The following COL4A2 variants were observed in gnomAD, a reference collection of about 807,000 sequenced individuals.
COL4A2 encodes the protein collagen alpha-2(IV) chain.
COL4A2 carries 99 observed loss-of-function variants against 200.2 expected under a neutral mutation model. The observed-to-expected ratio is 0.49, with a 90% CI of 0.42 to 0.58. The LOEUF is 0.58. COL4A2 is among the 20% of genes least tolerant of loss of function. The probability of loss-of-function intolerance (pLI) is 0.00; values close to 1 mark genes in which losing one functional copy is unlikely to be tolerated. For missense variants in COL4A2, 1,950 were observed against 2,314.1 expected, an observed-to-expected ratio of 0.84 and a Z score of 3.23; for synonymous variants, 897 against 900.6, an observed-to-expected ratio of 1.00 and a Z score of 0.07.
intron 4 of COL4A2, among the ~76,000 whole-genome samples, chr13:110,389,122 C>T (rs1395833967): frequency 6.6e-6 from 1 of 152,164 alleles, no homozygotes; most frequent in Non-Finnish European, 1.5e-5. Flanking sequence ...CCATGCAGGA[C>T]GTCCTCACAG....
At chr13:110,472,513 C>T (rs1370345442) in intron 28 of COL4A2, among the ~76,000 whole-genome samples, 2 of 152,136 alleles carry the variant, frequency 1.3e-5, no homozygotes, top group South Asian at 2.1e-4. Context: ...TTGGCTCTGA[C>T]GGCCCTGTTC....
intron 3 of COL4A2, among the ~76,000 whole-genome samples, chr13:110,336,776 T>C (rs1316941859): frequency 1.3e-5 from 2 of 152,208 alleles, no homozygotes; most frequent in Non-Finnish European, 2.9e-5. Context: ...CAGGGCCTTA[T>C]TCCTGAAGCT....
At chr13:110,325,857 C>T (rs1466658132) in intron 3 of COL4A2, among the ~76,000 whole-genome samples, 1 of 151,898 alleles carries the variant, frequency 6.6e-6, no homozygotes, top group East Asian at 1.9e-4. Flanking sequence ...GATCTCAGCT[C>T]ACTGAAACCT....
chr13:110,455,550 T>G (rs1461863321), intron 20 of COL4A2, among the ~76,000 whole-genome samples: 1 of 152,220 alleles, frequency 6.6e-6, no homozygotes, highest in Non-Finnish European at 1.5e-5. Flanking sequence ...GTTTAATGTG[T>G]GTCTCCACGT....
intron 27 of COL4A2, chr13:110,468,342 A>G (rs542314963): frequency 4.2e-6 from 2 of 471,486 alleles, no homozygotes; most frequent in South Asian, 3.1e-5. Flanking sequence ...CATGGATTTC[A>G]ACACCGTCAC....
chr13:110,399,510 C>G (rs1384165574), intron 4 of COL4A2, among the ~76,000 whole-genome samples: 1 of 152,206 alleles, frequency 6.6e-6, no homozygotes, highest in African/African-American at 2.4e-5. Flanking sequence ...TCTTGCATCT[C>G]TGAACCACTT....
chr13:110,420,961 T>G (rs1280638669), intron 4 of COL4A2, among the ~76,000 whole-genome samples: 1 of 152,214 alleles, frequency 6.6e-6, no homozygotes, highest in East Asian at 1.9e-4. Flanking sequence ...CCTGGCCCTC[T>G]CTCAGCGGGG....
chr13:110,432,475 G>A, intron 11 of COL4A2, 115 bp downstream of exon 11: 3 of 1,275,642 alleles, frequency 2.4e-6, no homozygotes, highest in Non-Finnish European at 2.1e-6. Flanking sequence ...TTTATATTAT[G>A]ATGAAAACAG....
chr13:110,333,983 C>T (rs1427013828), intron 3 of COL4A2, among the ~76,000 whole-genome samples: 2 of 152,156 alleles, frequency 1.3e-5, no homozygotes, highest in Non-Finnish European at 2.9e-5. Flanking sequence ...ATGGTGGGGC[C>T]GGCACCGCCC....
intron 27 of COL4A2, among the ~76,000 whole-genome samples, chr13:110,467,326 GA>G (rs1320422150): frequency 6.6e-6 from 1 of 152,248 alleles, no homozygotes; most frequent in African/African-American, 2.4e-5. Flanking sequence ...GGCTAGAAGA[GA>G]AAATTCAGCC....
intron 4 of COL4A2, among the ~76,000 whole-genome samples, chr13:110,364,315 G>T (rs1274882884): frequency 1.3e-5 from 2 of 152,212 alleles, no homozygotes; most frequent in East Asian, 3.9e-4. Context: ...GGCTCATCCA[G>T]CGCTGCAGGG....
At chr13:110,329,395 C>A (rs1344385381) in intron 3 of COL4A2, among the ~76,000 whole-genome samples, 2 of 152,176 alleles carry the variant, frequency 1.3e-5, no homozygotes, top group South Asian at 4.1e-4. Flanking sequence ...GAAGATAGAG[C>A]CAGCCACAGG....
intron 6 of COL4A2, 40 bp downstream of exon 6, chr13:110,425,037 G>T: frequency 6.4e-7 from 1 of 1,565,046 alleles, no homozygotes; most frequent in Non-Finnish European, 8.6e-7. Flanking sequence ...AACATTGCGT[G>T]CATCCTAGGC....
chr13:110,383,606 CTTTTTTTTTTTT>C (rs67906394), intron 4 of COL4A2, among the ~76,000 whole-genome samples: 6 of 65,350 alleles, frequency 9.2e-5, no homozygotes, highest in East Asian at 5.1e-4. Flanking sequence ...CAGCCCTTTT[CTTTTTTTTTTTT>C]TTTTTTTTTT....
At chr13:110,356,289 T>TC (rs1877261455) in intron 3 of COL4A2, among the ~76,000 whole-genome samples, 1 of 152,306 alleles carries the variant, frequency 6.6e-6, no homozygotes, top group South Asian at 2.1e-4. Context: ...GAAAGCCTCT[T>TC]CCCGGCATTC....
At chr13:110,493,360 G>C (rs1313095460) in intron 39 of COL4A2, 78 bp downstream of exon 39, 1 of 1,464,042 alleles carries the variant, frequency 6.8e-7, no homozygotes, top group East Asian at 2.3e-5. Context: ...CTGCCCTCCA[G>C]ACTTCAGGGA....
At chr13:110,419,410 G>C (rs1449682079) in intron 4 of COL4A2, among the ~76,000 whole-genome samples, 2 of 152,106 alleles carry the variant, frequency 1.3e-5, no homozygotes, top group Non-Finnish European at 2.9e-5. Context: ...CCTTACCCAG[G>C]GAATATTTTA....
intron 4 of COL4A2, among the ~76,000 whole-genome samples, chr13:110,370,732 C>T (rs1877967572): frequency 6.6e-6 from 1 of 152,202 alleles, no homozygotes; most frequent in African/African-American, 2.4e-5. Context: ...AGGTGTTCTT[C>T]TGCCCTTGAT....
At chr13:110,312,082 T>TG (rs1885000378) in intron 3 of COL4A2, among the ~76,000 whole-genome samples, 1 of 152,246 alleles carries the variant, frequency 6.6e-6, no homozygotes, top group African/African-American at 2.4e-5. Flanking sequence ...CTGCATTTCC[T>TG]GGAGCTGAAG....
Sources: allele counts gnomAD v4.1 joint callset (sites outside exome capture counted in the v4.1 genomes callset), GRCh38; gene constraint gnomAD v4.1.1; transcripts MANE v1.5; gene names NCBI Gene and HGNC (gene_info 2026-07-23, HGNC 2026-07-21).